CLIC5: variants seen among roughly 807,000 people sequenced by gnomAD.
CLIC5 encodes CLIC family member 5.
Under a neutral mutation model 24.7 loss-of-function variants are expected in CLIC5, and 20 were observed. The observed-to-expected ratio is 0.81, with a 90% CI of 0.57 to 1.18. The LOEUF is 1.18. Among genes scored for constraint, CLIC5 ranks in the 50% most tolerant of loss-of-function variants. CLIC5 has a pLI of 0.00. For synonymous variants in CLIC5, 159 were observed against 135.6 expected (o/e 1.17, Z -1.20); for missense variants, 341 against 326.1 (o/e 1.05, Z -0.35).
the CLIC5 span, among the ~76,000 whole-genome samples, chr6:46,095,810 T>C: frequency 1.3e-5 from 2 of 152,198 alleles, no homozygotes; most frequent in African/African-American, 4.8e-5. Context: ...GCTGCTTCCA[T>C]ATTTTCAGAT....
intron 1 of CLIC5, among the ~76,000 whole-genome samples, chr6:45,958,595 AT>A (rs1764745349): frequency 6.6e-6 from 1 of 151,228 alleles, no homozygotes; most frequent in South Asian, 2.1e-4. Flanking sequence ...ATTATAAAAT[AT>A]CATGCCACAT....
chr6:46,072,193 T>G lies in CLIC5; in HGVS notation c.540+7510A>C, dbSNP rs1762623291. On this transcript the variant is annotated intron_variant, in intron 1 of 5. Transcript: ENST00000185206. The stretch of plus-strand genomic sequence containing the variant: ...TACAACAAACCCCCATAACACAAAT[T>G]TACCTATATAACAAATCTGCTAATG... 2.7e-5 allele frequency among the ~76,000 whole-genome samples: 4 copies of G among 150,178 alleles called. No individual in the cohort carries two copies. The South Asian group carries it at 8.4e-4, about 32-fold the overall frequency.
At chr6:46,009,966 A>G (rs1766745565) in intron 1 of CLIC5, among the ~76,000 whole-genome samples, 1 of 152,146 alleles carries the variant, frequency 6.6e-6, no homozygotes, top group African/African-American at 2.4e-5. Flanking sequence ...GCTCCAGCTT[A>G]TGGAGCAGCA....
At chr6:45,922,829 G>A (rs1763321532) in intron 4 of CLIC5, among the ~76,000 whole-genome samples, 1 of 146,150 alleles carries the variant, frequency 6.8e-6, no homozygotes, top group Non-Finnish European at 1.5e-5. Context: ...GAGAAAGAGA[G>A]AGAGATAGAG....
chr6:46,054,268 G>T (rs186514950), intron 1 of CLIC5, among the ~76,000 whole-genome samples: 164 of 152,186 alleles, frequency 1.1e-3, no homozygotes, highest in African/African-American at 3.8e-3. Flanking sequence ...AAGGCAATGA[G>T]AACAAGACTG....
At chr6:45,916,707 T>G (rs565770778) in intron 4 of CLIC5, among the ~76,000 whole-genome samples, 38 of 152,204 alleles carry the variant, frequency 2.5e-4, no homozygotes, top group Non-Finnish European at 3.7e-4. Flanking sequence ...TGAAGTTCCT[T>G]GGGAAGATAG....
intron 1 of CLIC5, among the ~76,000 whole-genome samples, chr6:45,983,852 G>A (rs1362417697): frequency 6.6e-6 from 1 of 152,058 alleles, no homozygotes; most frequent in Non-Finnish European, 1.5e-5. Context: ...TTCCTTAATA[G>A]CACTTTTTAT....
chr6:46,045,922 T>C (rs890990578), intron 1 of CLIC5, among the ~76,000 whole-genome samples: 3 of 139,276 alleles, frequency 2.2e-5, no homozygotes, highest in African/African-American at 5.4e-5. Flanking sequence ...GGAACGCACA[T>C]GAACATAAGC....
rs914331350 is a variant in CLIC5, at chr6:45,960,150, C to G, written c.64-4906G>C. The stretch of plus-strand genomic sequence containing the variant: ...TGGAGAACCATTGTTTTAAGACATT[C>G]CATGAACACACCAGATATGTAATAC... On this transcript the variant is annotated intron_variant, in intron 1 of 5. Transcript: ENST00000339561. Among the ~76,000 whole-genome samples, 13 of 152,248 alleles carry G rather than the reference C, an allele frequency of 8.5e-5. No individual in the cohort carries two copies. The East Asian group carries it at 2.5e-3, about 29-fold the overall frequency.
intron 4 of CLIC5, chr6:45,918,928 G>A: frequency 1.0e-6 from 1 of 984,636 alleles, no homozygotes; most frequent in Non-Finnish European, 1.2e-6. Context: ...CTGAGTCTTA[G>A]ACTTACCCAG....
intron 5 of CLIC5, among the ~76,000 whole-genome samples, chr6:45,905,724 T>TATAA (rs1414821794): frequency 6.6e-6 from 1 of 152,210 alleles, no homozygotes; most frequent in Non-Finnish European, 1.5e-5. Context: ...AGCTCTTTAG[T>TATAA]ATAATTAAGT....
chr6:45,974,803 C>A (rs1001268224), intron 1 of CLIC5, among the ~76,000 whole-genome samples: 1 of 151,988 alleles, frequency 6.6e-6, no homozygotes. Flanking sequence ...GTAACCCCAT[C>A]CCCACCCCCT....
At chr6:46,078,296 G>A (rs530862510) in intron 1 of CLIC5, among the ~76,000 whole-genome samples, 5 of 152,154 alleles carry the variant, frequency 3.3e-5, no homozygotes, top group African/African-American at 9.6e-5. Flanking sequence ...GGAGGTGAAA[G>A]TTGCAGTGAG....
chr6:46,110,276 C>A, the CLIC5 span, among the ~76,000 whole-genome samples: 1 of 152,192 alleles, frequency 6.6e-6, no homozygotes, highest in African/African-American at 2.4e-5. Flanking sequence ...GCCTTCGTAG[C>A]CTCCATGATT....
At chr6:45,935,033 A>G (rs1581760924) in intron 4 of CLIC5, among the ~76,000 whole-genome samples, 2 of 152,382 alleles carry the variant, frequency 1.3e-5, no homozygotes, top group East Asian at 3.9e-4. Flanking sequence ...AAAGTGAAAT[A>G]TAGCACTTTC....
intron 5 of CLIC5, among the ~76,000 whole-genome samples, chr6:45,913,378 C>T (rs572071525): frequency 2.6e-5 from 4 of 152,136 alleles, no homozygotes; most frequent in Non-Finnish European, 5.9e-5. Flanking sequence ...GAGGTGAAGG[C>T]AAGCAAAGCT....
chr6:45,889,449 A>G (rs1459878662), intron 6 of CLIC5, among the ~76,000 whole-genome samples: 1 of 152,210 alleles, frequency 6.6e-6, no homozygotes, highest in Non-Finnish European at 1.5e-5. Flanking sequence ...CCATAGCCAG[A>G]TCTCCAGAAT....
intron 1 of CLIC5, among the ~76,000 whole-genome samples, chr6:46,032,911 T>G (rs1286767754): frequency 1.3e-5 from 2 of 151,914 alleles, no homozygotes; most frequent in African/African-American, 4.8e-5. Context: ...CTTAGGGAGC[T>G]TCTTAAAAAT....
intron 4 of CLIC5, 36 bp from the exon 5 acceptor site, chr6:45,914,445 T>A: frequency 6.5e-7 from 1 of 1,528,764 alleles, no homozygotes. Context: ...TTATTCAAAC[T>A]TCTTGCCAGT....
Sources: allele counts gnomAD v4.1 joint callset (sites outside exome capture counted in the v4.1 genomes callset), GRCh38; gene constraint gnomAD v4.1.1; transcripts MANE v1.5; gene names NCBI Gene and HGNC (gene_info 2026-07-23, HGNC 2026-07-21).